Variants in ADAMTS19 observed in about 807,000 individuals in gnomAD.
The protein encoded by ADAMTS19 is A disintegrin and metalloproteinase with thrombospondin motifs 19.
A neutral mutation model predicts 153.3 loss-of-function variants in ADAMTS19; 93 were observed. That is an observed-to-expected ratio of 0.61 (90% CI 0.51 to 0.72). The LOEUF (loss-of-function observed/expected upper bound fraction) is 0.72, where lower values mean the gene tolerates loss of function less well. ADAMTS19 is among the 30% of genes least tolerant of loss of function. The pLI, the probability that ADAMTS19 is intolerant of heterozygous loss-of-function variation, is 0.00. For missense variants in ADAMTS19, 1,482 were observed against 1,552.1 expected (o/e 0.95, Z 0.76); for synonymous variants, 600 against 556.6 (o/e 1.08, Z -1.10).
chr5:129,494,429 C>G (rs1750863189), intron 2 of ADAMTS19, among the ~76,000 whole-genome samples: 1 of 152,126 alleles, frequency 6.6e-6, no homozygotes, highest in Non-Finnish European at 1.5e-5. Flanking sequence ...CTCTGTGTAT[C>G]CTTTACACTG....
chr5:129,687,903 G>T (rs1755163696), intron 18 of ADAMTS19, among the ~76,000 whole-genome samples: 1 of 152,022 alleles, frequency 6.6e-6, no homozygotes, highest in South Asian at 2.1e-4. Flanking sequence ...TACTTCAAAT[G>T]GCTGATTTTA....
At chr5:129,591,122 C>G (rs1750111618) in intron 7 of ADAMTS19, among the ~76,000 whole-genome samples, 1 of 152,122 alleles carries the variant, frequency 6.6e-6, no homozygotes, top group South Asian at 2.1e-4. Context: ...ATTGCCTTTC[C>G]CTGGCTAACC....
chr5:129,649,781 T>C (rs963115852), intron 13 of ADAMTS19, among the ~76,000 whole-genome samples: 23 of 152,302 alleles, frequency 1.5e-4, no homozygotes, highest in African/African-American at 5.3e-4. Flanking sequence ...AGAAACTGAA[T>C]GAAAGGTAGG....
At chr5:129,519,879 G>T (rs539170426) in intron 3 of ADAMTS19, among the ~76,000 whole-genome samples, 2 of 151,858 alleles carry the variant, frequency 1.3e-5, no homozygotes, top group South Asian at 2.1e-4. Flanking sequence ...GCATTTTCTG[G>T]GATTCTTCAC....
At chr5:129,627,745 C>T (rs1295837651) in intron 10 of ADAMTS19, among the ~76,000 whole-genome samples, 1 of 152,088 alleles carries the variant, frequency 6.6e-6, no homozygotes, top group Non-Finnish European at 1.5e-5. Flanking sequence ...AATGAGATAA[C>T]ATCTCACACC....
chr5:129,579,198 A>C (rs1250189628), intron 7 of ADAMTS19, among the ~76,000 whole-genome samples: 1 of 152,106 alleles, frequency 6.6e-6, no homozygotes, highest in Admixed American at 6.5e-5. Flanking sequence ...ACCAGTGGTG[A>C]TGAGCTTTTT....
At chr5:129,594,326 G>T (rs1370130599) in intron 7 of ADAMTS19, among the ~76,000 whole-genome samples, 1 of 152,112 alleles carries the variant, frequency 6.6e-6, no homozygotes, top group East Asian at 1.9e-4. Context: ...TATGACATAT[G>T]ATAACCCATG....
At chr5:129,658,339 A>AGAGAGAGAGAGAGAGAG (rs1561632332) in intron 14 of ADAMTS19, among the ~76,000 whole-genome samples, 1 of 109,182 alleles carries the variant, frequency 9.2e-6, no homozygotes, top group African/African-American at 4.4e-5. Context: ...GAAAGAAAGA[A>AGAGAGAGAGAGAGAGAG]AGAAAGAAAG....
Position 129,596,640 on chromosome 5 carries a change from C to T in ADAMTS19, c.1454C>T (p.Thr485Ile). The T allele has an allele frequency of 6.2e-7, 1 of 1,605,666 alleles. No individual in the cohort carries two copies. Among genetic ancestry groups the T allele is most frequent in the Non-Finnish European group, 8.5e-7 (1 of 1,176,220 alleles). ...AEDNGLNLAF[T>I]IAHEMGHNMG... ...GACAATGGCTTGAATCTTGCTTTTA[C>T]AATTGCTCATGAAATGGGTCACAAG... Residue 485 changes from threonine to isoleucine, a missense_variant, in exon 8 of 23, where the codon ACA becomes ATA. Physicochemically the swap from Thr to Ile is moderately conservative, Grantham distance 89 (BLOSUM62 -1). This residue lies in a region of ADAMTS19 where 866 missense variants were observed against 827.7 expected (regional missense o/e 1.05). Transcript: ENST00000274487.
intron 16 of ADAMTS19, among the ~76,000 whole-genome samples, chr5:129,673,810 C>G (rs1428386199): frequency 6.6e-6 from 1 of 152,106 alleles, no homozygotes; most frequent in Non-Finnish European, 1.5e-5. Flanking sequence ...ATTGTTAAGT[C>G]TACTCAACAA....
At chr5:129,472,380 T>C (rs746901335) in intron 2 of ADAMTS19, among the ~76,000 whole-genome samples, 34 of 152,220 alleles carry the variant, frequency 2.2e-4, no homozygotes, top group Non-Finnish European at 4.6e-4. Context: ...CCTAAGGATC[T>C]TGCATGAATT....
intron 18 of ADAMTS19, among the ~76,000 whole-genome samples, chr5:129,686,397 T>C (rs1351793565): frequency 6.6e-6 from 1 of 152,006 alleles, no homozygotes; most frequent in Non-Finnish European, 1.5e-5. Flanking sequence ...GAATTCTTAG[T>C]CTCAGGGTGC....
intron 2 of ADAMTS19, among the ~76,000 whole-genome samples, chr5:129,508,282 C>T (rs931955814): frequency 1.3e-5 from 2 of 151,732 alleles, no homozygotes; most frequent in African/African-American, 4.8e-5. Context: ...GAGTTAAATA[C>T]TAAAAATGGA....
At chr5:129,484,914 T>G (rs550892937) in intron 2 of ADAMTS19, among the ~76,000 whole-genome samples, 16 of 152,274 alleles carry the variant, frequency 1.1e-4, no homozygotes, top group African/African-American at 3.8e-4. Flanking sequence ...TTTCAGTCTC[T>G]ATTATTTTTT....
At chr5:129,596,808 C>T in intron 8 of ADAMTS19, 144 bp downstream of exon 8, 1 of 553,052 alleles carries the variant, frequency 1.8e-6, no homozygotes, top group Non-Finnish European at 3.2e-6. Flanking sequence ...TGAAGACTGA[C>T]TACATTTAAA....
chr5:129,696,088 G>A (rs25802), intron 19 of ADAMTS19, among the ~76,000 whole-genome samples: 89,717 of 151,988 alleles, frequency 0.59, 27,709 homozygotes, highest in Non-Finnish European at 0.69. Context: ...TCATGCAGAC[G>A]AATGGTTAGT....
rs1463044926 is a variant in ADAMTS19, at chr5:129,461,721, C to T, written c.711C>T (p.Gly237=). The change falls in exon 2 of 23, where the codon GGC becomes GGT. Residue 237 remains glycine, a synonymous_variant. Transcript: ENST00000274487. This position sits in a 1 kb window ranked among gnomAD's most constrained non-coding sequence, Gnocchi z 4.6. The part of the protein sequence containing the change: ...FYTGAVLRHP[G]SLASFSTCGG... The stretch of plus-strand genomic sequence containing the variant: ...CCGGAGCTGTGCTGCGGCACCCTGG[C>T]TCGCTGGCTTCTTTCAGCACCTGTG... 1 of 1,511,528 alleles carries T rather than the reference C, an allele frequency of 6.6e-7. No individual in the cohort carries two copies. The highest frequency in any genetic ancestry group is 2.1e-5 in the Admixed American group (1 of 47,280). 93.6% of individuals were successfully genotyped at this position (1,511,528 alleles called of 1,614,324 possible). A position where few individuals can be genotyped will look rare whatever the true frequency, so the allele number is the denominator to read the frequency against.
chr5:129,697,360 G>A (rs1206798527), intron 19 of ADAMTS19, among the ~76,000 whole-genome samples: 1 of 152,068 alleles, frequency 6.6e-6, no homozygotes, highest in African/African-American at 2.4e-5. Flanking sequence ...CAGCTGGGGG[G>A]CTTAAAATTC....
At chr5:129,481,053 G>A (rs964339377) in intron 2 of ADAMTS19, among the ~76,000 whole-genome samples, 1 of 152,072 alleles carries the variant, frequency 6.6e-6, no homozygotes, top group Non-Finnish European at 1.5e-5. Flanking sequence ...GAAAAGCAAC[G>A]TGCAGCCTTT....
Sources: allele counts gnomAD v4.1 joint callset (sites outside exome capture counted in the v4.1 genomes callset), GRCh38; gene constraint gnomAD v4.1.1; regional missense constraint gnomAD v4.1.1; non-coding constraint Gnocchi (gnomAD v3.1); transcripts MANE v1.5; gene names NCBI Gene and HGNC (gene_info 2026-07-23, HGNC 2026-07-21).